The following STPG1 variants were observed in gnomAD, a reference collection of about 807,000 sequenced individuals.
STPG1 encodes O(6)-methylguanine-induced apoptosis 2.
Under a neutral mutation model 40.1 loss-of-function variants are expected in STPG1, and 33 were observed. That is an observed-to-expected ratio of 0.82 (90% confidence interval 0.62 to 1.10). The LOEUF (loss-of-function observed/expected upper bound fraction) is 1.10. Ranked by LOEUF, STPG1 falls within the 50% of genes least tolerant of loss-of-function variation. STPG1 has a pLI of 0.00. For synonymous variants in STPG1, 150 were observed against 155.0 expected (o/e 0.97, Z 0.24); for missense variants, 396 against 415.1 (o/e 0.95, Z 0.40).
chr1:24,401,173 T>C, intron 2 of STPG1, 146 bp downstream of exon 2: 1 of 556,240 alleles, frequency 1.8e-6, no homozygotes, highest in Non-Finnish European at 3.2e-6. Flanking sequence ...CTTGAAACAG[T>C]AGGGCCTAAA....
rs1205348572 is a variant in STPG1, at chr1:24,357,016, TAA to T, written c.*1525_*1526del. 3 of 143,006 alleles carry T rather than the reference TAA, an allele frequency of 2.1e-5. No individual in the cohort carries two copies. Among genetic ancestry groups the T allele is most frequent in the African/African-American group, 7.8e-5 (3 of 38,702 alleles). The allele number at this position is 143,006 out of a possible 1,614,324, so 8.9% of individuals were successfully genotyped here. On this transcript the variant is annotated 3_prime_UTR_variant, in exon 9 of 9. Coordinates refer to ENST00000337248, the MANE Select transcript of STPG1 (RefSeq NM_001199013.2). ...CCAAAAGCTCAATAAGCAAGATAAA[TAA>T]GTTTAATGCAATATTTTTAAAATTA... is the stretch of plus-strand genomic sequence containing the variant.
chr1:24,357,934 A>G lies in STPG1; in HGVS notation c.*609T>C. 3.1e-6 allele frequency: 1 copy of G among 320,224 alleles called. No individual in the cohort carries two copies. The highest frequency in any genetic ancestry group is 6.2e-6 in the Non-Finnish European group (1 of 161,314). The allele number at this position is 320,224 out of a possible 1,614,324, so 19.8% of individuals were successfully genotyped here. A position where few individuals can be genotyped will look rare whatever the true frequency, so the allele number is the denominator to read the frequency against. ...ATGATCTCCCACTCCAAAGAGAAAAAGGTCTAAAAGGAGTAAAGAGAGGTC... is the reference window on the plus strand; with the variant it reads ...ATGATCTCCCACTCCAAAGAGAAAAGGGTCTAAAAGGAGTAAAGAGAGGTC... On this transcript the variant is annotated 3_prime_UTR_variant, in exon 9 of 9. Coordinates refer to ENST00000337248, the MANE Select transcript of STPG1 (RefSeq NM_001199013.2).
intron 7 of STPG1, among the ~76,000 whole-genome samples, chr1:24,365,154 C>T (rs1641373598): frequency 6.6e-6 from 1 of 152,156 alleles, no homozygotes; most frequent in African/African-American, 2.4e-5. Context: ...AATTGAAAAT[C>T]CCAGGGGAAG....
intron 1 of STPG1, among the ~76,000 whole-genome samples, chr1:24,409,483 A>G (rs1468015240): frequency 1.3e-5 from 2 of 152,250 alleles, no homozygotes; most frequent in Non-Finnish European, 2.9e-5. Flanking sequence ...GTGTTCTGGA[A>G]TTATGAGTGA....
intron 7 of STPG1, among the ~76,000 whole-genome samples, chr1:24,366,403 C>T (rs1046713201): frequency 1.3e-5 from 2 of 152,178 alleles, no homozygotes; most frequent in Non-Finnish European, 2.9e-5. Flanking sequence ...GAAAACAGAA[C>T]TGGAATTTGA....
chr1:24,378,889 T>G (rs1642154356), intron 5 of STPG1, among the ~76,000 whole-genome samples: 1 of 151,186 alleles, frequency 6.6e-6, no homozygotes, highest in African/African-American at 2.5e-5. Flanking sequence ...GGCTGTGACT[T>G]ACTTACTTGC....
chr1:24,369,909 C>A, intron 6 of STPG1, 70 bp from the exon 7 acceptor site: 1 of 1,365,318 alleles, frequency 7.3e-7, no homozygotes, highest in South Asian at 1.5e-5. Context: ...GTACCTTACC[C>A]CTAAGAACAC....
intron 3 of STPG1, among the ~76,000 whole-genome samples, chr1:24,384,921 G>A (rs1447949226): frequency 2.6e-5 from 4 of 152,186 alleles, no homozygotes. Context: ...AGTGCCAAGC[G>A]CACGGTGTGT....
At chr1:24,414,521 G>A (rs1235010452), upstream of STPG1, 3 of 140,662 alleles carry the variant, frequency 2.1e-5, no homozygotes, top group Non-Finnish European at 4.6e-5. Flanking sequence ...AATTTAGGGT[G>A]AAATCCAAGC....
At chr1:24,404,743 T>C (rs1643352271) in intron 1 of STPG1, among the ~76,000 whole-genome samples, 1 of 152,228 alleles carries the variant, frequency 6.6e-6, no homozygotes, top group African/African-American at 2.4e-5. Flanking sequence ...GGTTCTGTAG[T>C]GATGTCCCTA....
chr1:24,392,742 C>A (rs1211339209), intron 2 of STPG1, among the ~76,000 whole-genome samples: 4 of 152,082 alleles, frequency 2.6e-5, no homozygotes, highest in Admixed American at 1.3e-4. Flanking sequence ...GACATCCAAA[C>A]CAAATTTTGG....
At chr1:24,391,410 G>A in intron 3 of STPG1, 151 bp downstream of exon 3, 6 of 492,978 alleles carry the variant, frequency 1.2e-5, no homozygotes, top group Middle Eastern at 5.9e-4. Context: ...TAGTCCAGTC[G>A]GTGCCCCTCA....
intron 1 of STPG1, among the ~76,000 whole-genome samples, chr1:24,408,318 C>T (rs1343659191): frequency 6.6e-6 from 1 of 152,300 alleles, no homozygotes; most frequent in Middle Eastern, 3.4e-3. Context: ...CTGTTTAAGC[C>T]CCAGAAATTG....
At chr1:24,397,604 T>C (rs2148709807) in intron 2 of STPG1, among the ~76,000 whole-genome samples, 1 of 152,168 alleles carries the variant, frequency 6.6e-6, no homozygotes, top group South Asian at 2.1e-4. Flanking sequence ...AATGCAAAAA[T>C]AGTTTAATAT....
intron 8 of STPG1, 57 bp from the exon 9 acceptor site, chr1:24,358,676 C>T: frequency 7.3e-7 from 1 of 1,361,538 alleles, no homozygotes; most frequent in Non-Finnish European, 1.0e-6. Flanking sequence ...TTGCTGCAGT[C>T]TCTGGCATTC....
At position 24,357,519 on chromosome 1, in the gene STPG1, T is replaced by TA. The variant is rs1280191548; in HGVS notation, c.*1023dup. The TA allele has an allele frequency of 2.6e-5, 4 of 153,016 alleles. No individual in the cohort carries two copies. The highest frequency in any genetic ancestry group is 9.6e-5 in the African/African-American group (4 of 41,452). The allele number at this position is 153,016 out of a possible 1,614,324, so 9.5% of individuals were successfully genotyped here. A position where few individuals can be genotyped will look rare whatever the true frequency, so the allele number is the denominator to read the frequency against. On this transcript the variant is annotated 3_prime_UTR_variant, in exon 9 of 9. Transcript: ENST00000337248. ...GTGGGCCCCAGGCCTCAGTACTTTT[T>TA]AAAGTCCCCAGGTGATTACAGTGTG...
intron 2 of STPG1, 124 bp downstream of exon 2, chr1:24,401,195 G>T: frequency 7.0e-6 from 5 of 713,290 alleles, no homozygotes; most frequent in Non-Finnish European, 9.6e-6. Context: ...CCACCTATTT[G>T]GTATGCCTGT....
rs775596020 is a variant in STPG1, at chr1:24,401,413, C to T, written c.-25G>A. On this transcript the variant is annotated 5_prime_UTR_variant, in exon 2 of 9. Coordinates refer to ENST00000337248, the MANE Select transcript of STPG1 (RefSeq NM_001199013.2). The stretch of plus-strand genomic sequence containing the variant: ...TGTTAGCAAAATTCTGTGACGTGTT[C>T]CATTTGTTTGATGAAAAGTTCTACT... 2 of 1,610,502 alleles carry T rather than the reference C, an allele frequency of 1.2e-6. No homozygotes were observed. Among genetic ancestry groups the T allele is most frequent in the South Asian group, 1.1e-5 (1 of 90,690 alleles).
chr1:24,371,590 CAAA>C (rs11348704), intron 6 of STPG1, among the ~76,000 whole-genome samples: 16 of 108,156 alleles, frequency 1.5e-4, no homozygotes, highest in Non-Finnish European at 1.2e-4. Flanking sequence ...GACTCCCTCT[CAAA>C]AAAAAAAAAA....
Sources: gnomAD v4.1 joint callset for allele counts (sites outside exome capture counted in the v4.1 genomes callset) on GRCh38, gnomAD v4.1.1 for gene constraint, MANE v1.5 for transcripts, NCBI Gene and HGNC (gene_info 2026-07-23, HGNC 2026-07-21) for gene names.